Variants in RADIL observed in about 807,000 individuals in gnomAD.
The protein encoded by RADIL is Rap associating with DIL domain.
RADIL carries 99 observed loss-of-function variants against 97.6 expected under a neutral mutation model. That is an observed-to-expected ratio of 1.01 (90% CI 0.86 to 1.20). The LOEUF (loss-of-function observed/expected upper bound fraction) is 1.20, where lower values mean the gene tolerates loss of function less well. RADIL is among the 50% of genes most tolerant of loss of function. The pLI, the probability that RADIL is intolerant of heterozygous loss-of-function variation, is 0.00. For missense variants in RADIL, 1,765 were observed against 1,498.9 expected (o/e 1.18, Z -2.93); for synonymous variants, 803 against 691.8 (o/e 1.16, Z -2.52).
At chr7:4,832,743 A>C (rs1783183304) in intron 4 of RADIL, among the ~76,000 whole-genome samples, 1 of 87,460 alleles carries the variant, frequency 1.1e-5, no homozygotes. Context: ...CGTCTCAGCA[A>C]AAAAAAAAAA....
chr7:4,861,939 C>T (rs1384686144), intron 2 of RADIL: 14 of 516,582 alleles, frequency 2.7e-5, no homozygotes, highest in East Asian at 9.9e-5. Flanking sequence ...CACTCCCACT[C>T]CCGCTGCGCG....
In RADIL at chr7:4,837,149, G is replaced by C. The variant is rs892035436; in HGVS notation, c.536-544C>G. 7.9e-5 allele frequency among the ~76,000 whole-genome samples: 12 copies of C among 152,142 alleles called. No individual in the cohort carries two copies. Among genetic ancestry groups the C allele is most frequent in the African/African-American group, 2.9e-4 (12 of 41,434 alleles). ...CACCCACAGAACAGTCTCAGAGCAG[G>C]CAGCCTGCCTGTCAAATCCTCAGGC... On this transcript the variant is annotated intron_variant, in intron 2 of 14. Transcript: ENST00000399583. This position sits in a 1 kb window ranked among gnomAD's most constrained non-coding sequence, Gnocchi z 5.6.
intron 10 of RADIL, among the ~76,000 whole-genome samples, chr7:4,804,238 T>C (rs1782217419): frequency 6.6e-6 from 1 of 152,022 alleles, no homozygotes; most frequent in Non-Finnish European, 1.5e-5. Flanking sequence ...GGCGGAAGAG[T>C]GCGTGCATAC....
chr7:4,874,396 G>A (rs1056964283), intron 2 of RADIL, among the ~76,000 whole-genome samples: 2 of 152,208 alleles, frequency 1.3e-5, no homozygotes, highest in Non-Finnish European at 2.9e-5. Flanking sequence ...GCCTTCCCCC[G>A]GCTCCAGGCA....
rs1421132750 is a variant in RADIL, at chr7:4,840,495, G to A, written c.536-3890C>T. Among the ~76,000 whole-genome samples the A allele has an allele frequency of 6.6e-6, 1 of 152,084 alleles. No individual in the cohort carries two copies. The highest frequency in any genetic ancestry group is 1.5e-5 in the Non-Finnish European group (1 of 68,030). On this transcript the variant is annotated intron_variant, in intron 2 of 14. Coordinates refer to ENST00000399583, the MANE Select transcript of RADIL (RefSeq NM_018059.5). The surrounding 1 kb of genome is among the most constrained non-coding windows in gnomAD (Gnocchi z 5.6). ...TGGAGTTGTCAAGGCCCTCAGACCC[G>A]GCAGCACACTGCTCAGGAAGGGTAG...
rs1782595436 is a variant in RADIL, at chr7:4,813,278, C to G, written c.2139+2000G>C. On this transcript the variant is annotated intron_variant, in intron 9 of 14. Transcript: ENST00000399583. The surrounding 1 kb of genome is among the most constrained non-coding windows in gnomAD (Gnocchi z 5.0). ...ACAGGCGTTTGCCCCATGCCTGCCTCTCACCCCAGTGTTTCCACTGGGGGC... is the reference window on the plus strand; with the variant it reads ...ACAGGCGTTTGCCCCATGCCTGCCTGTCACCCCAGTGTTTCCACTGGGGGC... Among the ~76,000 whole-genome samples the G allele has an allele frequency of 6.6e-6, 1 of 152,140 alleles. No homozygotes were observed. Among genetic ancestry groups the G allele is most frequent in the African/African-American group, 2.4e-5 (1 of 41,418 alleles).
At position 4,872,894 on chromosome 7, in the gene RADIL, T is replaced by C. The variant is rs941049192; in HGVS notation, c.535+4711A>G. Among the ~76,000 whole-genome samples the C allele has an allele frequency of 1.3e-5, 2 of 152,032 alleles. No homozygotes were observed. Among genetic ancestry groups the C allele is most frequent in the African/African-American group, 4.8e-5 (2 of 41,392 alleles). ...GCCTGAGAGACTTTGGCGAAATGCT[T>C]CCCCTGAAATGGTGCAACCCGTTAG... On this transcript the variant is annotated intron_variant, in intron 2 of 14. Coordinates refer to ENST00000399583, the MANE Select transcript of RADIL (RefSeq NM_018059.5). The surrounding 1 kb of genome is among the most constrained non-coding windows in gnomAD (Gnocchi z 5.8).
intron 12 of RADIL, among the ~76,000 whole-genome samples, chr7:4,801,035 TACTC>T (rs1782066410): frequency 6.6e-6 from 1 of 152,102 alleles, no homozygotes; most frequent in African/African-American, 2.4e-5. Context: ...TGCACACATA[TACTC>T]ACAGCCATGC....
chr7:4,829,585 G>A (rs1583288681), intron 5 of RADIL, among the ~76,000 whole-genome samples: 2 of 152,136 alleles, frequency 1.3e-5, no homozygotes, highest in Admixed American at 6.6e-5. Flanking sequence ...GTTCGGCTGT[G>A]TCTCAACCCA....
chr7:4,823,736 G>A (rs1035733986), intron 5 of RADIL, among the ~76,000 whole-genome samples: 4 of 152,200 alleles, frequency 2.6e-5, no homozygotes, highest in South Asian at 2.1e-4. Context: ...GGCACCAGCC[G>A]CAGGATGTGT....
chr7:4,850,216 T>TAAAAAAAAAAAAA (rs34276261), intron 2 of RADIL, among the ~76,000 whole-genome samples: 6 of 88,066 alleles, frequency 6.8e-5, no homozygotes, highest in Non-Finnish European at 1.3e-4. Flanking sequence ...ACGATCCCTT[T>TAAAAAAAAAAAAA]AAAAAAAAAA....
rs891339024 is a variant in RADIL, at chr7:4,849,667, C to T, written c.536-13062G>A. Among the ~76,000 whole-genome samples, 1 of 152,170 alleles carries T rather than the reference C, an allele frequency of 6.6e-6. No individual in the cohort carries two copies. The highest frequency in any genetic ancestry group is 1.5e-5 in the Non-Finnish European group (1 of 68,034). ...GTACTAGAGACAGCAGGGGGTGCCACATCACCAATCCTCTTGAGGACAAAG... is the reference window on the plus strand; with the variant it reads ...GTACTAGAGACAGCAGGGGGTGCCATATCACCAATCCTCTTGAGGACAAAG... On this transcript the variant is annotated intron_variant, in intron 2 of 14. Transcript: ENST00000399583. The surrounding 1 kb of genome is among the most constrained non-coding windows in gnomAD (Gnocchi z 5.4).
At chr7:4,871,948 T>C (rs1258708965) in intron 2 of RADIL, among the ~76,000 whole-genome samples, 3 of 152,086 alleles carry the variant, frequency 2.0e-5, no homozygotes, top group East Asian at 1.9e-4. Flanking sequence ...CTTTACAAAG[T>C]GCGCATCCAA....
Position 4,834,640 on chromosome 7 carries a change from G to C in RADIL, c.1383C>G (p.Leu461=), listed in dbSNP as rs774078696. 3.0e-6 allele frequency: 4 copies of C among 1,355,436 alleles called. No individual in the cohort carries two copies. Among genetic ancestry groups the C allele is most frequent in the Admixed American group, 5.9e-5 (2 of 33,736 alleles). 84.0% of individuals were successfully genotyped at this position (1,355,436 alleles called of 1,614,324 possible). A position where few individuals can be genotyped will look rare whatever the true frequency, so the allele number is the denominator to read the frequency against. ...TCTCGCGGATCAGCCTGGCTATCTT[G>C]AGCAGGAGCTGCCCGAATGTGCCCG... The part of the protein sequence containing the change: ...FQPGTFGQLL[L]KIARLIRETV... Residue 461 remains leucine (L), a synonymous_variant, in exon 4 of 15, where the codon CTC becomes CTG. Coordinates refer to ENST00000399583, the MANE Select transcript of RADIL (RefSeq NM_018059.5). The surrounding 1 kb of genome is among the most constrained non-coding windows in gnomAD (Gnocchi z 6.0).
At chr7:4,827,813 G>T (rs1259446421) in intron 5 of RADIL, among the ~76,000 whole-genome samples, 6 of 152,050 alleles carry the variant, frequency 3.9e-5, no homozygotes, top group African/African-American at 2.4e-5. Flanking sequence ...CATACAAACT[G>T]ATCTGGAGAA....
Position 4,878,180 on chromosome 7 carries a change from C to A in RADIL, c.-41G>T. Reference sequence around the variant, plus strand: ...ATGGATGAGGACTGTGGGCTTCAGCCAAAGGATGTGGGGAGGCCGTGACCT... The same window carrying A: ...ATGGATGAGGACTGTGGGCTTCAGCAAAAGGATGTGGGGAGGCCGTGACCT... On this transcript the variant is annotated 5_prime_UTR_variant, in exon 2 of 15. Coordinates refer to ENST00000399583, the MANE Select transcript of RADIL (RefSeq NM_018059.5). The surrounding 1 kb of genome is among the most constrained non-coding windows in gnomAD (Gnocchi z 4.1). The A allele has an allele frequency of 6.7e-7, 1 of 1,482,380 alleles. No homozygotes were observed. The highest frequency in any genetic ancestry group is 9.0e-7 in the Non-Finnish European group (1 of 1,117,046). The allele number at this position is 1,482,380 out of a possible 1,614,324, so 91.8% of individuals were successfully genotyped here.
intron 2 of RADIL, among the ~76,000 whole-genome samples, chr7:4,876,673 A>T (rs1475140958): frequency 6.6e-6 from 1 of 152,178 alleles, no homozygotes; most frequent in East Asian, 1.9e-4. Flanking sequence ...ATCACCAGAC[A>T]CAGTGGGCCC....
At chr7:4,877,381 G>A (rs1784397490) in intron 2 of RADIL, among the ~76,000 whole-genome samples, 1 of 152,238 alleles carries the variant, frequency 6.6e-6, no homozygotes, top group South Asian at 2.1e-4. Context: ...GCTGCAGTGA[G>A]CTGTGGTTGC....
At chr7:4,826,524 G>T (rs1422495595) in intron 5 of RADIL, among the ~76,000 whole-genome samples, 2 of 152,044 alleles carry the variant, frequency 1.3e-5, no homozygotes, top group African/African-American at 2.4e-5. Flanking sequence ...TGTGAGGTCA[G>T]GAGTTCGAGA....
Sources: allele counts gnomAD v4.1 joint callset (sites outside exome capture counted in the v4.1 genomes callset), GRCh38; gene constraint gnomAD v4.1.1; non-coding constraint Gnocchi (gnomAD v3.1); transcripts MANE v1.5; gene names NCBI Gene and HGNC (gene_info 2026-07-23, HGNC 2026-07-21).